The following XRCC1 variants were observed in gnomAD, a reference collection of about 807,000 sequenced individuals.
The protein encoded by XRCC1 is X-ray repair cross complementing 1.
XRCC1 carries 52 observed loss-of-function variants against 83.3 expected under a neutral mutation model. The observed-to-expected ratio is 0.62, with a 90% confidence interval of 0.50 to 0.79. XRCC1 has a LOEUF of 0.79. Among genes scored for constraint, XRCC1 ranks in the 30% least tolerant of loss-of-function variants. XRCC1 has a pLI of 0.00. For missense variants in XRCC1, 793 were observed against 823.5 expected, an observed-to-expected ratio of 0.96 and a Z score of 0.45; for synonymous variants, 281 against 312.6, an observed-to-expected ratio of 0.90 and a Z score of 1.07.
Position 43,560,914 on chromosome 19 carries a change from T to A in XRCC1, c.251A>T (p.Tyr84Phe). 1 of 1,613,706 alleles carries A rather than the reference T, an allele frequency of 6.2e-7. No homozygotes were observed. The highest frequency in any genetic ancestry group is 8.5e-7 in the Non-Finnish European group (1 of 1,179,594). ...CCATCTCATAGCCCTGCTTACCTCA[T>A]AGTCTTGCTCCCCAGCGCCTCCAGC... ...SSAGGAGEQD[Y>F]EVLLVTSSFM... The change falls in exon 3 of 17, where the codon TAT becomes TTT. Residue 84 changes from tyrosine (Y) to phenylalanine (F), a missense_variant. Transcript: ENST00000262887.
intron 2 of XRCC1, among the ~76,000 whole-genome samples, chr19:43,569,475 C>T (rs74619094): frequency 7.7e-6 from 1 of 129,790 alleles, no homozygotes; most frequent in Non-Finnish European, 1.6e-5. Context: ...GACCCTGTCT[C>T]AAAAAAAAAA....
chr19:43,555,784 G>A (rs1267130345), intron 3 of XRCC1, among the ~76,000 whole-genome samples: 3 of 152,176 alleles, frequency 2.0e-5, no homozygotes, highest in Admixed American at 1.3e-4. Context: ...AAAATAACTG[G>A]TGTGGTTTTA....
chr19:43,549,379 C>A (rs1409017466), intron 10 of XRCC1, among the ~76,000 whole-genome samples: 1 of 152,084 alleles, frequency 6.6e-6, no homozygotes, highest in Admixed American at 6.5e-5. Context: ...CCTGCCTCAG[C>A]CTCTAGAGTA....
At chr19:43,565,829 C>T (rs956897679) in intron 2 of XRCC1, among the ~76,000 whole-genome samples, 4 of 152,160 alleles carry the variant, frequency 2.6e-5, no homozygotes, top group Admixed American at 6.5e-5. Context: ...ATCCCAGCTA[C>T]TCAGGAGGCT....
intron 10 of XRCC1, among the ~76,000 whole-genome samples, chr19:43,548,838 C>G (rs1374802383): frequency 6.7e-6 from 1 of 149,508 alleles, no homozygotes; most frequent in Admixed American, 6.7e-5. Flanking sequence ...TGCCAGGTAG[C>G]ACGTGACAAA....
At chr19:43,559,396 C>T (rs139000198) in intron 3 of XRCC1, among the ~76,000 whole-genome samples, 160 of 138,002 alleles carry the variant, frequency 1.2e-3, no homozygotes, top group African/African-American at 4.0e-3. Context: ...GGCAGAATGG[C>T]GTGAACCCGG....
chr19:43,575,134 G>T (rs535930283), intron 1 of XRCC1, 132 bp from the exon 2 acceptor site: 2 of 812,954 alleles, frequency 2.5e-6, no homozygotes, highest in Non-Finnish European at 4.1e-6. Flanking sequence ...TTAATCCCCC[G>T]ACACTCTGCC....
intron 3 of XRCC1, among the ~76,000 whole-genome samples, chr19:43,560,628 C>A (rs1237181420): frequency 6.6e-6 from 1 of 152,122 alleles, no homozygotes; most frequent in African/African-American, 2.4e-5. Context: ...AGATTTTAGC[C>A]CAGTGAGAGT....
chr19:43,560,407 A>AAAAAAG (rs1464026534), intron 3 of XRCC1, among the ~76,000 whole-genome samples: 1 of 152,132 alleles, frequency 6.6e-6, no homozygotes, highest in African/African-American at 2.4e-5. Flanking sequence ...CTCAAAAAAA[A>AAAAAAG]AAAAAGAAAA....
intron 10 of XRCC1, among the ~76,000 whole-genome samples, chr19:43,548,766 C>CAAAAAAAAAAAA (rs60740505): frequency 0.032 from 2,053 of 64,134 alleles, 152 homozygotes; most frequent in Non-Finnish European, 0.037. Context: ...CAAGAATGAT[C>CAAAAAAAAAAAA]AAAAAAAAAA....
chr19:43,549,624 A>T (rs996981164), intron 10 of XRCC1, among the ~76,000 whole-genome samples: 1 of 152,034 alleles, frequency 6.6e-6, no homozygotes, highest in Non-Finnish European at 1.5e-5. Flanking sequence ...CGGTGCAATC[A>T]TGGCTCATTG....
intron 9 of XRCC1, 34 bp downstream of exon 9, chr19:43,551,983 C>T (rs752068821): frequency 1.9e-6 from 3 of 1,608,986 alleles, no homozygotes; most frequent in South Asian, 1.1e-5. Context: ...GGGGGAGAAA[C>T]TGCAGCGGCG....
intron 8 of XRCC1, among the ~76,000 whole-genome samples, chr19:43,552,519 T>C (rs1420996865): frequency 3.4e-5 from 2 of 58,310 alleles, no homozygotes; most frequent in African/African-American, 1.4e-4. Flanking sequence ...CAGCCCCTCC[T>C]CCCTCAGACC....
chr19:43,552,819 T>C lies in XRCC1; in HGVS notation c.801A>G (p.Pro267=). The change falls in exon 8 of 17, where the codon CCA becomes CCG. Residue 267 remains proline (P), a synonymous_variant. Transcript: ENST00000262887. ...CACATTTAGGTCTCTTGGGAACAGATGGCGACAGCTGGGCTGGTGGTTTGC... is the reference window on the plus strand; with the variant it reads ...CACATTTAGGTCTCTTGGGAACAGACGGCGACAGCTGGGCTGGTGGTTTGC... ...TPSKPPAQLS[P]SVPKRPKLPA... The C allele has an allele frequency of 6.2e-7, 1 of 1,611,476 alleles. No homozygotes were observed. Among genetic ancestry groups the C allele is most frequent in the Non-Finnish European group, 8.5e-7 (1 of 1,179,036 alleles).
chr19:43,553,138 G>T, intron 6 of XRCC1, 47 bp from the exon 7 acceptor site: 1 of 1,525,428 alleles, frequency 6.6e-7, no homozygotes. Flanking sequence ...TGAGCCCCAA[G>T]ACCCTTTCAC....
Position 43,553,458 on chromosome 19 carries a change from C to T in XRCC1, c.544G>A (p.Ala182Thr), listed in dbSNP as rs190563109. The change falls in exon 6 of 17, where the codon GCC (alanine) becomes ACC (threonine). Residue 182 changes from alanine (A) to threonine (T), a missense_variant. Ala to Thr is a moderately conservative substitution (Grantham distance 58, BLOSUM62 0). Transcript: ENST00000262887. ...QFRVKEEDES[A>T]NSLRPGALFF... Reference sequence around the variant, plus strand: ...AGAGCCCCCGGCCTCAGAGAGTTGGCGCTCTCATCCTCCTCCTTCACACGG... The same window carrying T: ...AGAGCCCCCGGCCTCAGAGAGTTGGTGCTCTCATCCTCCTCCTTCACACGG... 54 of 1,614,182 alleles carry T rather than the reference C, an allele frequency of 3.3e-5. No individual in the cohort carries two copies. In the Admixed American group the frequency reaches 4.3e-4, roughly 13 times the overall value.
chr19:43,559,281 A>C (rs1012315918), intron 3 of XRCC1, among the ~76,000 whole-genome samples: 2 of 151,930 alleles, frequency 1.3e-5, no homozygotes, highest in Non-Finnish European at 2.9e-5. Flanking sequence ...CAGGAGATCG[A>C]GACCATCCTG....
intron 3 of XRCC1, 143 bp downstream of exon 3, chr19:43,560,767 C>T (rs2146061037): frequency 4.3e-6 from 3 of 694,416 alleles, no homozygotes; most frequent in East Asian, 5.2e-5. Flanking sequence ...CTCCTCCGTA[C>T]ACTGGGTGAT....
At chr19:43,553,558 G>C in intron 5 of XRCC1, 46 bp from the exon 6 acceptor site, 2 of 1,612,826 alleles carry the variant, frequency 1.2e-6, no homozygotes, top group African/African-American at 1.3e-5. Context: ...GCTGGCAGGT[G>C]GGGGTGGAGA....
Sources: allele counts gnomAD v4.1 joint callset (sites outside exome capture counted in the v4.1 genomes callset), GRCh38; gene constraint gnomAD v4.1.1; transcripts MANE v1.5; gene names NCBI Gene and HGNC (gene_info 2026-07-23, HGNC 2026-07-21).